CELF2: variants seen among roughly 807,000 people sequenced by gnomAD.
CELF2 encodes the protein CUGBP Elav-like family member 2, also known as CUG triplet repeat RNA-binding protein 2.
A neutral mutation model predicts 62.6 loss-of-function variants in CELF2; 8 were observed. The ratio of observed to expected loss-of-function variants is 0.13; its 90% CI spans 0.07 to 0.23. The LOEUF is 0.23. CELF2 is among the 10% of genes least tolerant of loss of function. The pLI, the probability that CELF2 is intolerant of heterozygous loss-of-function variation, is 1.00. For missense variants in CELF2, 333 were observed against 671.0 expected (o/e 0.50, Z 5.56); for synonymous variants, 258 against 250.0 (o/e 1.03, Z -0.30).
intron 2 of CELF2, among the ~76,000 whole-genome samples, chr10:10,985,190 C>T (rs187867368): frequency 3.9e-5 from 6 of 152,190 alleles, no homozygotes; most frequent in Admixed American, 2.6e-4. Context: ...CTGACCTACT[C>T]GGGAATATTA....
chr10:10,790,397 A>T, the CELF2 span, among the ~76,000 whole-genome samples: 1 of 152,160 alleles, frequency 6.6e-6, no homozygotes, highest in Non-Finnish European at 1.5e-5. Flanking sequence ...ATATGACAAT[A>T]CTAATCCTTC....
chr10:10,734,619 G>A, the CELF2 span, among the ~76,000 whole-genome samples: 6 of 152,182 alleles, frequency 3.9e-5, no homozygotes, highest in Non-Finnish European at 8.8e-5. Context: ...GCTTCCCTAG[G>A]CTAGAACCCA....
intron 2 of CELF2, among the ~76,000 whole-genome samples, chr10:10,937,821 A>C (rs1592154697): frequency 6.6e-6 from 1 of 152,296 alleles, no homozygotes; most frequent in East Asian, 1.9e-4. Context: ...TCTAGATAGC[A>C]TGATAGTGTA....
At chr10:11,072,273 A>G (rs766470464) in intron 1 of CELF2, among the ~76,000 whole-genome samples, 6 of 152,106 alleles carry the variant, frequency 3.9e-5, no homozygotes, top group Non-Finnish European at 7.4e-5. Context: ...TCCTCTCTCT[A>G]ATGTTAACTT....
At chr10:10,829,233 A>G (rs2057654078) in intron 1 of CELF2, among the ~76,000 whole-genome samples, 1 of 152,200 alleles carries the variant, frequency 6.6e-6, no homozygotes, top group South Asian at 2.1e-4. Flanking sequence ...TCCCTTTCTG[A>G]TGAAAGTTGA....
Position 10,997,880 on chromosome 10 carries a change from C to A in CELF2, c.89+77881C>A, listed in dbSNP as rs1308613174. On this transcript the variant is annotated intron_variant, in intron 2 of 13. Coordinates refer to the CELF2 transcript ENST00000636488. This position sits in a 1 kb window ranked among gnomAD's most constrained non-coding sequence, Gnocchi z 5.3. Reference sequence around the variant, plus strand: ...GCTTGATATGGTTTGGCTCTGTATCCCCACCCAAATCTCACCTTGAATTGT... The same window carrying A: ...GCTTGATATGGTTTGGCTCTGTATCACCACCCAAATCTCACCTTGAATTGT... Among the ~76,000 whole-genome samples the A allele has an allele frequency of 6.6e-6, 1 of 152,070 alleles. No homozygotes were observed. Among genetic ancestry groups the A allele is most frequent in the South Asian group, 2.1e-4 (1 of 4,824 alleles).
chr10:10,645,051 T>C, the CELF2 span, among the ~76,000 whole-genome samples: 1 of 152,058 alleles, frequency 6.6e-6, no homozygotes, highest in South Asian at 2.1e-4. Flanking sequence ...CCTGCCAGGG[T>C]TCTGAATGAT....
the CELF2 span, among the ~76,000 whole-genome samples, chr10:10,602,356 G>A: frequency 6.6e-6 from 1 of 152,026 alleles, no homozygotes; most frequent in Non-Finnish European, 1.5e-5. Context: ...TTACAAGTCT[G>A]GGGTCCTGAC....
At chr10:10,542,645 T>C in the CELF2 span, among the ~76,000 whole-genome samples, 3 of 152,230 alleles carry the variant, frequency 2.0e-5, no homozygotes, top group African/African-American at 7.2e-5. Flanking sequence ...TTGGAGGTAC[T>C]ATATTTGGCT....
At chr10:11,160,332 T>G (rs1390040981) in intron 1 of CELF2, among the ~76,000 whole-genome samples, 1 of 152,200 alleles carries the variant, frequency 6.6e-6, no homozygotes, top group Non-Finnish European at 1.5e-5. Context: ...CCTGGCCCAC[T>G]GTTCACTGAC....
At chr10:10,770,688 A>G in the CELF2 span, among the ~76,000 whole-genome samples, 1 of 149,802 alleles carries the variant, frequency 6.7e-6, no homozygotes, top group African/African-American at 2.5e-5. Flanking sequence ...GGCCCCATTT[A>G]GTACCAGCCC....
the CELF2 span, among the ~76,000 whole-genome samples, chr10:10,487,874 T>C: frequency 6.6e-6 from 1 of 152,106 alleles, no homozygotes; most frequent in East Asian, 1.9e-4. Flanking sequence ...GAATGAGAAA[T>C]TGAAGTTAGT....
chr10:10,789,534 T>A, the CELF2 span, among the ~76,000 whole-genome samples: 1 of 152,214 alleles, frequency 6.6e-6, no homozygotes, highest in Non-Finnish European at 1.5e-5. Context: ...TAGTTTTTGA[T>A]ACATGCTACC....
intron 1 of CELF2, among the ~76,000 whole-genome samples, chr10:11,104,142 A>G (rs1420187042): frequency 6.6e-6 from 1 of 152,184 alleles, no homozygotes; most frequent in East Asian, 1.9e-4. Context: ...ACCATAAATC[A>G]TGTCAAATTG....
At chr10:10,781,361 A>G in the CELF2 span, among the ~76,000 whole-genome samples, 1 of 152,238 alleles carries the variant, frequency 6.6e-6, no homozygotes, top group Non-Finnish European at 1.5e-5. Context: ...CATGCTGCAA[A>G]TAAAGACATA....
chr10:11,147,181 A>G (rs1251343930), intron 1 of CELF2, among the ~76,000 whole-genome samples: 1 of 152,160 alleles, frequency 6.6e-6, no homozygotes, highest in Non-Finnish European at 1.5e-5. Flanking sequence ...TATAGGAATG[A>G]AAAAGGGATG....
At chr10:10,834,307 C>T (rs921777578) in intron 1 of CELF2, among the ~76,000 whole-genome samples, 41 of 152,132 alleles carry the variant, frequency 2.7e-4, no homozygotes, top group African/African-American at 9.4e-4. Flanking sequence ...TGGGGCCTAT[C>T]AGAGGGTGGA....
intron 1 of CELF2, among the ~76,000 whole-genome samples, chr10:11,018,448 C>T (rs1299714170): frequency 2.7e-5 from 4 of 148,426 alleles, no homozygotes; most frequent in African/African-American, 9.9e-5. Context: ...ACCAGCGGGC[C>T]GAGCGCGGCG....
rs2082574768 is a variant in CELF2, at chr10:11,267,771, C to T, written c.618+1094C>T. Among the ~76,000 whole-genome samples the T allele has an allele frequency of 6.6e-6, 1 of 151,948 alleles. No homozygotes were observed. The highest frequency in any genetic ancestry group is 6.6e-5 in the Admixed American group (1 of 15,248). ...ATCATTATGCGTCATGTTTTGTGGG[C>T]AACTTTTTTTATAGTGAATCAAAAG... On this transcript the variant is annotated intron_variant, in intron 6 of 12. Transcript: ENST00000633077. The surrounding 1 kb of genome is among the most constrained non-coding windows in gnomAD (Gnocchi z 4.4).
Sources: allele counts gnomAD v4.1 joint callset (sites outside exome capture counted in the v4.1 genomes callset), GRCh38; gene constraint gnomAD v4.1.1; non-coding constraint Gnocchi (gnomAD v3.1); transcripts MANE v1.5; gene names NCBI Gene and HGNC (gene_info 2026-07-23, HGNC 2026-07-21).